PKMYT1: variants seen among roughly 807,000 people sequenced by gnomAD.
PKMYT1 encodes protein kinase, membrane associated tyrosine/threonine 1, also known as membrane-associated tyrosine- and threonine-specific cdc2-inhibitory kinase.
Under a neutral mutation model 49.7 loss-of-function variants are expected in PKMYT1, and 35 were observed. The ratio of observed to expected loss-of-function variants is 0.70; its 90% CI spans 0.54 to 0.93. The LOEUF (loss-of-function observed/expected upper bound fraction) is 0.93. PKMYT1 is among the 40% of genes least tolerant of loss of function. PKMYT1 has a pLI of 0.00. For synonymous variants in PKMYT1, 331 were observed against 287.6 expected (o/e 1.15, Z -1.53); for missense variants, 677 against 673.1 (o/e 1.01, Z -0.06).
intron 3 of PKMYT1, 72 bp from the exon 4 acceptor site, chr16:2,975,884 C>G: frequency 6.7e-7 from 1 of 1,498,950 alleles, no homozygotes; most frequent in South Asian, 1.2e-5. Flanking sequence ...AGGGGGACAA[C>G]CTGGCAGACC....
chr16:2,972,867 G>T lies in PKMYT1; in HGVS notation c.*86C>A. 1 of 1,536,156 alleles carries T rather than the reference G, an allele frequency of 6.5e-7. No homozygotes were observed. The highest frequency in any genetic ancestry group is 1.4e-5 in the African/African-American group (1 of 73,424). Reference sequence around the variant, plus strand: ...GACACGGCCAGGCAGAGAAGACCATGGGAGTTCCCGAGGGGCCCCAGCTTT... The same window carrying T: ...GACACGGCCAGGCAGAGAAGACCATTGGAGTTCCCGAGGGGCCCCAGCTTT... On this transcript the variant is annotated 3_prime_UTR_variant, in exon 9 of 9. Coordinates refer to ENST00000262300, the MANE Select transcript of PKMYT1 (RefSeq NM_004203.5).
chr16:2,980,010 A>G, intron 1 of PKMYT1, 98 bp from the exon 2 acceptor site: 1 of 338,944 alleles, frequency 3.0e-6, no homozygotes, highest in Non-Finnish European at 5.6e-6. Flanking sequence ...CGGAGGAAGG[A>G]CTGTCACGGG....
In PKMYT1 at chr16:2,974,382, T is replaced by G. The variant is rs572424155; in HGVS notation, c.1015A>C (p.Met339Leu). 6.2e-7 allele frequency: 1 copy of G among 1,611,558 alleles called. No homozygotes were observed. The highest frequency in any genetic ancestry group is 2.2e-5 in the East Asian group (1 of 44,848). The change falls in exon 6 of 9, where the codon ATG (methionine) becomes CTG (leucine). Residue 339 changes from methionine to leucine, a missense_variant. Coordinates refer to ENST00000262300, the MANE Select transcript of PKMYT1 (RefSeq NM_004203.5). ...CGCAGCTTGGGGTCTGGCTCCAGCA[T>G]CATGACAAGGACAGAACGCAGCTCG... ...SSELRSVLVM[M>L]LEPDPKLRAT...
rs1305838985 is a variant in PKMYT1 at position 2,974,530 on chromosome 16, TCCCG to T, written c.979+16_979+19del. 1 of 1,543,426 alleles carries T rather than the reference TCCCG, an allele frequency of 6.5e-7. No individual in the cohort carries two copies. Among genetic ancestry groups the T allele is most frequent in the Admixed American group, 1.9e-5 (1 of 52,888 alleles). ...CCCAGGAGCCCGTGGCAGCACCCCCTCCCGCCCTCACCTACTCACCGGCAGTGAA... is the reference window on the plus strand; with the variant it reads ...CCCAGGAGCCCGTGGCAGCACCCCCTCCCTCACCTACTCACCGGCAGTGAA... On this transcript the variant is annotated intron_variant, in intron 5 of 8. Transcript: ENST00000262300.
chr16:2,977,546 C>A (rs1215705851), intron 2 of PKMYT1: 1 of 942,372 alleles, frequency 1.1e-6, no homozygotes, highest in Non-Finnish European at 1.3e-6. Context: ...TCCGTGGACC[C>A]CTGCCCCAGT....
In PKMYT1 at chr16:2,974,363, T is replaced by A. The variant is rs749245480; in HGVS notation, c.1034A>T (p.Lys345Met). Residue 345 changes from lysine to methionine, a missense_variant, in exon 6 of 9, where the codon AAG (lysine) becomes ATG (methionine). Coordinates refer to ENST00000262300, the MANE Select transcript of PKMYT1 (RefSeq NM_004203.5). ...CAGGGCCTCGGCCGTGGCCCGCAGC[T>A]TGGGGTCTGGCTCCAGCATCATGAC... ...VLVMMLEPDP[K>M]LRATAEALLA... is the part of the protein sequence containing the mutation. 2 of 1,611,004 alleles carry A rather than the reference T, an allele frequency of 1.2e-6. No individual in the cohort carries two copies. Among genetic ancestry groups the A allele is most frequent in the Non-Finnish European group, 1.7e-6 (2 of 1,179,242 alleles).
At position 2,975,804 on chromosome 16, in the gene PKMYT1, G is replaced by A; in HGVS notation, c.387C>T (p.Ser129=). ...CCGCATAGAGCCGGCCGTCCTCCTT[G>A]GAGCGCACCTGGAAGGGAGGTGGTA... is the stretch of plus-strand genomic sequence containing the variant. ...GSYGEVFKVR[S]KEDGRLYAVK... Residue 129 remains serine (S), a synonymous_variant, in exon 4 of 9, where the codon TCC becomes TCT. Transcript: ENST00000262300. 2 of 1,589,956 alleles carry A rather than the reference G, an allele frequency of 1.3e-6. No homozygotes were observed. The highest frequency in any genetic ancestry group is 1.7e-6 in the Non-Finnish European group (2 of 1,173,482).
intron 2 of PKMYT1, among the ~76,000 whole-genome samples, chr16:2,979,054 G>A (rs976432546): frequency 6.6e-5 from 10 of 151,700 alleles, no homozygotes; most frequent in African/African-American, 2.4e-4. Flanking sequence ...ACAATAGAGC[G>A]GCTGGGTGTG....
Position 2,980,408 on chromosome 16 carries a change from C to G in PKMYT1, c.-378G>C, listed in dbSNP as rs1011338943. The G allele has an allele frequency of 6.6e-6, 1 of 152,248 alleles. No homozygotes were observed. The highest frequency in any genetic ancestry group is 1.5e-5 in the Non-Finnish European group (1 of 68,034). The allele number at this position is 152,248 out of a possible 1,614,324, so 9.4% of individuals were successfully genotyped here. Reference sequence around the variant, plus strand: ...CCGTCGACTGTTCCGGACGCCCGGGCGGAGGACTCCCGTGAGGGGGAACGG... The same window carrying G: ...CCGTCGACTGTTCCGGACGCCCGGGGGGAGGACTCCCGTGAGGGGGAACGG... On this transcript the variant is annotated 5_prime_UTR_variant, in exon 1 of 9. Transcript: ENST00000262300.
chr16:2,980,349 G>A lies in PKMYT1; in HGVS notation c.-319C>T, dbSNP rs1031213533. 6.6e-6 allele frequency: 1 copy of A among 152,446 alleles called. No individual in the cohort carries two copies. The highest frequency in any genetic ancestry group is 1.5e-5 in the Non-Finnish European group (1 of 68,162). The allele number at this position is 152,446 out of a possible 1,614,324, so 9.4% of individuals were successfully genotyped here. A position where few individuals can be genotyped will look rare whatever the true frequency, so the allele number is the denominator to read the frequency against. ...AGATTCCGGGTCCGCGGAGGCCACGGGACCCCTCGGGTGGCTCAGCGGGCC... is the reference window on the plus strand; with the variant it reads ...AGATTCCGGGTCCGCGGAGGCCACGAGACCCCTCGGGTGGCTCAGCGGGCC... On this transcript the variant is annotated 5_prime_UTR_variant, in exon 1 of 9. Transcript: ENST00000262300.
intron 5 of PKMYT1, 24 bp from the exon 6 acceptor site, chr16:2,974,441 C>G (rs752374560): frequency 6.3e-7 from 1 of 1,594,850 alleles, no homozygotes; most frequent in African/African-American, 1.3e-5. Context: ...AGGGCCACAT[C>G]GGGGTCCCAG....
At chr16:2,977,424 T>C in intron 2 of PKMYT1, 2 of 1,007,678 alleles carry the variant, frequency 2.0e-6, no homozygotes, top group Non-Finnish European at 2.4e-6. Flanking sequence ...CGATCCCTTA[T>C]CTCCAATTCC....
At chr16:2,975,914 G>A (rs1025017494) in intron 3 of PKMYT1, 102 bp from the exon 4 acceptor site, 20 of 1,233,396 alleles carry the variant, frequency 1.6e-5, no homozygotes, top group Admixed American at 6.7e-5. Flanking sequence ...GTTCACACAC[G>A]GGGCACGGTG....
Position 2,974,306 on chromosome 16 carries a change from G to C in PKMYT1, c.1091C>G (p.Ala364Gly). ...TGCCATGCACCACAGCACACCCCAGGCCCGCGGCTGCCTCAACACAGGCAG... is the reference window on the plus strand; with the variant it reads ...TGCCATGCACCACAGCACACCCCAGCCCCGCGGCTGCCTCAACACAGGCAG... ...LALPVLRQPRAWGVLWCMAAE... is the reference protein window; with the variant it reads ...LALPVLRQPRGWGVLWCMAAE... The change falls in exon 6 of 9, where the codon GCC (alanine) becomes GGC (glycine). Residue 364 changes from alanine to glycine, a missense_variant. By Grantham distance (60) the Ala-to-Gly change is moderately conservative (BLOSUM62 0). Transcript: ENST00000262300. 1 of 1,592,642 alleles carries C rather than the reference G, an allele frequency of 6.3e-7. No individual in the cohort carries two copies. Among genetic ancestry groups the C allele is most frequent in the Non-Finnish European group, 8.5e-7 (1 of 1,170,270 alleles).
At chr16:2,976,532 T>C in intron 3 of PKMYT1, 132 bp downstream of exon 3, 3 of 877,810 alleles carry the variant, frequency 3.4e-6, no homozygotes, top group Non-Finnish European at 4.7e-6. Context: ...GGAGGGAGCC[T>C]GTGAGCCCAG....
At chr16:2,973,859 C>T (rs2072092425) in intron 7 of PKMYT1, 141 bp downstream of exon 7, 2 of 940,802 alleles carry the variant, frequency 2.1e-6, no homozygotes, top group Non-Finnish European at 3.2e-6. Flanking sequence ...GGCCACACAC[C>T]CCCAGTCTTG....
intron 4 of PKMYT1, 147 bp downstream of exon 4, chr16:2,975,172 T>G (rs2072151223): frequency 2.0e-6 from 2 of 1,018,448 alleles, no homozygotes; most frequent in South Asian, 1.7e-5. Context: ...CGCTCTCCAC[T>G]GGAGGGCAGG....
chr16:2,976,623 G>T, intron 3 of PKMYT1, 41 bp downstream of exon 3: 1 of 1,410,592 alleles, frequency 7.1e-7, no homozygotes, highest in South Asian at 1.9e-5. Flanking sequence ...AAACACAAAG[G>T]AGGTCCCCCA....
At position 2,976,519 on chromosome 16, in the gene PKMYT1, T is replaced by C. The variant is rs574440743; in HGVS notation, c.378+145A>G. ...GGATGATGGGAGCAGCCAAGTCAAA[T>C]GTGGAGGGAGCCTGTGAGCCCAGCA... On this transcript the variant is annotated intron_variant, in intron 3 of 8. Coordinates refer to ENST00000262300, the MANE Select transcript of PKMYT1 (RefSeq NM_004203.5). 7 of 748,134 alleles carry C rather than the reference T, an allele frequency of 9.4e-6. No individual in the cohort carries two copies. In the South Asian group the frequency reaches 2.6e-4, roughly 28 times the overall value. The allele number at this position is 748,134 out of a possible 1,614,324, so 46.3% of individuals were successfully genotyped here.
Sources: allele counts gnomAD v4.1 joint callset (sites outside exome capture counted in the v4.1 genomes callset), GRCh38; gene constraint gnomAD v4.1.1; transcripts MANE v1.5; gene names NCBI Gene and HGNC (gene_info 2026-07-23, HGNC 2026-07-21).